NSMAF: variants seen among roughly 807,000 people sequenced by gnomAD.
NSMAF encodes protein FAN.
Under a neutral mutation model 134.9 loss-of-function variants are expected in NSMAF, and 90 were observed. The observed-to-expected ratio is 0.67, with a 90% CI of 0.56 to 0.79. The LOEUF (loss-of-function observed/expected upper bound fraction) is 0.79, where lower values mean the gene tolerates loss of function less well. NSMAF is among the 30% of genes least tolerant of loss of function. The pLI, the probability that NSMAF is intolerant of heterozygous loss-of-function variation, is 0.00. For missense variants in NSMAF, 1,010 were observed against 1,119.0 expected (o/e 0.90, Z 1.39); for synonymous variants, 358 against 389.6 (o/e 0.92, Z 0.96).
At chr8:58,637,508 C>A in intron 2 of NSMAF, 1 of 348,764 alleles carries the variant, frequency 2.9e-6, no homozygotes, top group Non-Finnish European at 5.8e-6. Context: ...AGCAATTTGG[C>A]AAGTAAAAGA....
At chr8:58,589,373 A>G (rs910605961) in intron 26 of NSMAF, 79 bp downstream of exon 26, 6 of 1,173,994 alleles carry the variant, frequency 5.1e-6, no homozygotes, top group Non-Finnish European at 6.7e-6. Context: ...TAATATCTGT[A>G]TGTACATTTT....
At chr8:58,626,323 T>C (rs1330248800) in intron 6 of NSMAF, among the ~76,000 whole-genome samples, 4 of 152,120 alleles carry the variant, frequency 2.6e-5, no homozygotes, top group Admixed American at 1.3e-4. Flanking sequence ...CTCGATCTCC[T>C]GACCTCGTGA....
chr8:58,659,566 C>T lies in NSMAF; in HGVS notation c.59+7G>A. On this transcript the variant is annotated splice_region_variant and intron_variant, in intron 1 of 30. Transcript: ENST00000038176. ...CCGGCTGGGCCCTTCTTCAGCTGGG[C>T]GCGCACCTCTCCTTGGAGTAGAGCT... 1 of 1,526,782 alleles carries T rather than the reference C, an allele frequency of 6.5e-7. No individual in the cohort carries two copies. Among genetic ancestry groups the T allele is most frequent in the Non-Finnish European group, 8.8e-7 (1 of 1,138,122 alleles). The allele number at this position is 1,526,782 out of a possible 1,614,324, so 94.6% of individuals were successfully genotyped here.
At chr8:58,613,214 T>C (rs1806570474) in intron 9 of NSMAF, among the ~76,000 whole-genome samples, 3 of 152,282 alleles carry the variant, frequency 2.0e-5, no homozygotes, top group Non-Finnish European at 2.9e-5. Flanking sequence ...CAAACACATA[T>C]ATGTATCTAA....
At chr8:58,588,125 T>A (rs1463555213) in intron 26 of NSMAF, among the ~76,000 whole-genome samples, 1 of 152,202 alleles carries the variant, frequency 6.6e-6, no homozygotes, top group Non-Finnish European at 1.5e-5. Context: ...CCTGGAGGAA[T>A]TCTAACAATT....
intron 9 of NSMAF, among the ~76,000 whole-genome samples, chr8:58,621,123 C>T (rs1806779196): frequency 6.6e-6 from 1 of 152,122 alleles, no homozygotes; most frequent in Non-Finnish European, 1.5e-5. Context: ...CAAGCAGGCT[C>T]AGTGTCTATT....
In NSMAF at chr8:58,635,472, A is replaced by T. The variant is rs754172112; in HGVS notation, c.224T>A (p.Ile75Asn). 2 of 1,600,444 alleles carry T rather than the reference A, an allele frequency of 1.2e-6. No individual in the cohort carries two copies. The highest frequency in any genetic ancestry group is 1.7e-6 in the Non-Finnish European group (2 of 1,173,966). ...FEPDSISQPI[I>N]KIPLRDCIKI... is the part of the protein sequence containing the mutation. ...TCATATTTAAAATGTATTTACCTTG[A>T]TGATGGGCTGGGATATTGAATCTGG... Residue 75 changes from isoleucine to asparagine, a missense_variant, in exon 3 of 31, where the codon ATC (isoleucine) becomes AAC (asparagine). Ile to Asn is a moderately radical substitution (Grantham distance 149, BLOSUM62 -3). Coordinates refer to ENST00000038176, the MANE Select transcript of NSMAF (RefSeq NM_003580.4).
intron 2 of NSMAF, among the ~76,000 whole-genome samples, chr8:58,641,874 A>C (rs1786110691): frequency 6.6e-6 from 1 of 152,202 alleles, no homozygotes; most frequent in South Asian, 2.1e-4. Context: ...AAATTATAAA[A>C]ACAGGTTTCA....
chr8:58,654,046 C>A (rs544703444), intron 1 of NSMAF, among the ~76,000 whole-genome samples: 3 of 152,116 alleles, frequency 2.0e-5, no homozygotes, highest in East Asian at 3.9e-4. Context: ...GAAAAAAAAA[C>A]CCTATTTCTT....
intron 2 of NSMAF, chr8:58,637,524 C>T (rs1807203838): frequency 4.7e-5 from 16 of 339,884 alleles, no homozygotes; most frequent in Middle Eastern, 6.1e-4. Flanking sequence ...AAAGAAAGAA[C>T]AGGCATCCAA....
In NSMAF at chr8:58,601,229, TG is replaced by T. The variant is rs2129141101; in HGVS notation, c.1280+55del. 21 of 1,377,736 alleles carry T rather than the reference TG, an allele frequency of 1.5e-5. No individual in the cohort carries two copies. In the South Asian group the frequency reaches 2.3e-4, roughly 15 times the overall value. The allele number at this position is 1,377,736 out of a possible 1,614,324, so 85.3% of individuals were successfully genotyped here. The stretch of plus-strand genomic sequence containing the variant: ...ATCCAGTGCTTTGAAACAAGTATGT[TG>T]TATATATACAATCAGAAAGTGTTAA... On this transcript the variant is annotated intron_variant, in intron 16 of 30. Coordinates refer to ENST00000038176, the MANE Select transcript of NSMAF (RefSeq NM_003580.4).
chr8:58,659,567 G>A lies in NSMAF; in HGVS notation c.59+6C>T. The A allele has an allele frequency of 2.0e-6, 3 of 1,527,232 alleles. No homozygotes were observed. Among genetic ancestry groups the A allele is most frequent in the South Asian group, 1.2e-5 (1 of 81,672 alleles). 94.6% of individuals were successfully genotyped at this position (1,527,232 alleles called of 1,614,324 possible). A position where few individuals can be genotyped will look rare whatever the true frequency, so the allele number is the denominator to read the frequency against. On this transcript the variant is annotated splice_donor_region_variant and intron_variant, in intron 1 of 30. Coordinates refer to ENST00000038176, the MANE Select transcript of NSMAF (RefSeq NM_003580.4). The stretch of plus-strand genomic sequence containing the variant: ...CGGCTGGGCCCTTCTTCAGCTGGGC[G>A]CGCACCTCTCCTTGGAGTAGAGCTG...
At position 58,595,576 on chromosome 8, in the gene NSMAF, A is replaced by G. The variant is rs1255714620; in HGVS notation, c.1876T>C (p.Tyr626His). The G allele has an allele frequency of 2.5e-6, 4 of 1,612,740 alleles. No homozygotes were observed. The Admixed American group carries it at 5.0e-5, about 20-fold the overall frequency. ...NITKLQLHEH[Y>H]KIHKEAVTGI... Reference sequence around the variant, plus strand: ...TATTCTTACTCTTTGTGGATTTTATAGTGCTCGTGTAACTGCAGTTTGGTG... The same window carrying G: ...TATTCTTACTCTTTGTGGATTTTATGGTGCTCGTGTAACTGCAGTTTGGTG... The change falls in exon 22 of 31, where the codon TAT becomes CAT. Residue 626 changes from tyrosine to histidine, a missense_variant. Coordinates refer to ENST00000038176, the MANE Select transcript of NSMAF (RefSeq NM_003580.4).
At chr8:58,594,533 T>G (rs1267725235) in intron 22 of NSMAF, 1 of 495,166 alleles carries the variant, frequency 2.0e-6, no homozygotes, top group Non-Finnish European at 3.6e-6. Flanking sequence ...CCACATGCAA[T>G]GCTTTACATA....
intron 11 of NSMAF, among the ~76,000 whole-genome samples, chr8:58,606,353 G>T (rs1806411810): frequency 6.6e-6 from 1 of 152,034 alleles, no homozygotes; most frequent in Non-Finnish European, 1.5e-5. Context: ...TTCAAAAATA[G>T]CTGATCCATG....
chr8:58,633,315 C>T (rs376052810), intron 5 of NSMAF, among the ~76,000 whole-genome samples: 7 of 152,336 alleles, frequency 4.6e-5, no homozygotes, highest in African/African-American at 1.7e-4. Context: ...CAGGCTTCTC[C>T]CCCACCACTC....
chr8:58,591,563 T>G (rs777917450), intron 23 of NSMAF, among the ~76,000 whole-genome samples: 8 of 146,298 alleles, frequency 5.5e-5, no homozygotes, highest in Admixed American at 1.4e-4. Context: ...CTTGGCTCAC[T>G]GCAACTTCCA....
intron 1 of NSMAF, among the ~76,000 whole-genome samples, chr8:58,655,088 C>A (rs60567264): frequency 0.31 from 46,360 of 151,916 alleles, 7,235 homozygotes; most frequent in African/African-American, 0.33. Flanking sequence ...ATCCACCCAC[C>A]TTGGCCTCCC....
intron 11 of NSMAF, among the ~76,000 whole-genome samples, chr8:58,606,503 A>T (rs2129141932): frequency 6.6e-6 from 1 of 152,132 alleles, no homozygotes; most frequent in South Asian, 2.1e-4. Flanking sequence ...GCAGCCTCAA[A>T]CTCCCAGGCT....
Sources: gnomAD v4.1 joint callset for allele counts (sites outside exome capture counted in the v4.1 genomes callset) on GRCh38, gnomAD v4.1.1 for gene constraint, MANE v1.5 for transcripts, NCBI Gene and HGNC (gene_info 2026-07-23, HGNC 2026-07-21) for gene names.